The following CCBE1 variants were observed in gnomAD, a reference collection of about 807,000 sequenced individuals.
CCBE1 encodes the protein collagen and calcium binding EGF domains 1.
CCBE1 carries 37 observed loss-of-function variants against 50.0 expected under a neutral mutation model. That is an observed-to-expected ratio of 0.74 (90% CI 0.57 to 0.97). The LOEUF (loss-of-function observed/expected upper bound fraction) is 0.97. Among genes scored for constraint, CCBE1 ranks in the 50% least tolerant of loss-of-function variants. The pLI, the probability that CCBE1 is intolerant of heterozygous loss-of-function variation, is 0.00. For missense variants in CCBE1, 538 were observed against 523.8 expected, an observed-to-expected ratio of 1.03 and a Z score of -0.26; for synonymous variants, 234 against 203.7, an observed-to-expected ratio of 1.15 and a Z score of -1.27.
intron 3 of CCBE1, among the ~76,000 whole-genome samples, chr18:59,475,116 T>C (rs1156974088): frequency 1.3e-5 from 2 of 152,212 alleles, no homozygotes; most frequent in African/African-American, 4.8e-5. Flanking sequence ...CAGCTTTCAG[T>C]CATGTAGCTT....
intron 2 of CCBE1, among the ~76,000 whole-genome samples, chr18:59,579,626 T>A (rs2053053719): frequency 6.6e-6 from 1 of 152,158 alleles, no homozygotes; most frequent in Non-Finnish European, 1.5e-5. Flanking sequence ...AACACACAAT[T>A]CCAGAGGGCC....
intron 2 of CCBE1, among the ~76,000 whole-genome samples, chr18:59,553,029 G>A (rs921987901): frequency 6.6e-5 from 10 of 152,120 alleles, no homozygotes; most frequent in Non-Finnish European, 1.5e-5. Context: ...TATGGTGTAA[G>A]AGGAGGAGGA....
At chr18:59,441,954 C>T (rs1910447487) in intron 7 of CCBE1, among the ~76,000 whole-genome samples, 1 of 152,190 alleles carries the variant, frequency 6.6e-6, no homozygotes. Context: ...GCTCTAACTC[C>T]TCAGCATAGT....
chr18:59,481,794 G>GC (rs1466090380), intron 2 of CCBE1, among the ~76,000 whole-genome samples: 1 of 152,160 alleles, frequency 6.6e-6, no homozygotes, highest in African/African-American at 2.4e-5. Flanking sequence ...CAGCAGACCT[G>GC]TGTTAAAGGG....
At chr18:59,505,117 A>T (rs905878356) in intron 2 of CCBE1, among the ~76,000 whole-genome samples, 1 of 152,240 alleles carries the variant, frequency 6.6e-6, no homozygotes, top group African/African-American at 2.4e-5. Flanking sequence ...AAAATTTGAT[A>T]AAAATGATAA....
At chr18:59,554,980 C>T (rs1335290422) in intron 2 of CCBE1, among the ~76,000 whole-genome samples, 1 of 152,220 alleles carries the variant, frequency 6.6e-6, no homozygotes, top group Non-Finnish European at 1.5e-5. Flanking sequence ...AAGCCAAGAA[C>T]TGGTTTTGCC....
chr18:59,518,097 C>A (rs1211835309), intron 2 of CCBE1, among the ~76,000 whole-genome samples: 2 of 152,136 alleles, frequency 1.3e-5, no homozygotes, highest in Non-Finnish European at 2.9e-5. Flanking sequence ...TGGACTGGGG[C>A]ATAAAACAGT....
intron 2 of CCBE1, among the ~76,000 whole-genome samples, chr18:59,522,573 T>C (rs1291503978): frequency 1.3e-5 from 2 of 152,186 alleles, no homozygotes; most frequent in African/African-American, 4.8e-5. Flanking sequence ...AAGTAAAATT[T>C]AAGGAGTGCC....
chr18:59,465,545 A>G (rs1352679231), intron 5 of CCBE1: 5 of 152,232 alleles, frequency 3.3e-5, no homozygotes, highest in Admixed American at 6.5e-5. Flanking sequence ...AAATTTTCCA[A>G]CTGCCTGTGG....
intron 2 of CCBE1, among the ~76,000 whole-genome samples, chr18:59,550,440 G>A (rs1211095048): frequency 6.6e-6 from 1 of 152,070 alleles, no homozygotes; most frequent in Admixed American, 6.6e-5. Flanking sequence ...TGGTGGCGTC[G>A]CTGCTCAGAA....
At chr18:59,457,413 G>C (rs1108391) in intron 5 of CCBE1, among the ~76,000 whole-genome samples, 20,670 of 152,128 alleles carry the variant, frequency 0.14, 1,423 homozygotes, top group Non-Finnish European at 0.15. Context: ...AGCGACCTTG[G>C]GCAGGTTACT....
chr18:59,654,361 C>A (rs1395317996), intron 2 of CCBE1, among the ~76,000 whole-genome samples: 1 of 152,240 alleles, frequency 6.6e-6, no homozygotes, highest in African/African-American at 2.4e-5. Flanking sequence ...CCCAGAGAAT[C>A]ATGCCCGTAA....
intron 2 of CCBE1, among the ~76,000 whole-genome samples, chr18:59,488,577 A>G (rs1237937437): frequency 6.6e-6 from 1 of 152,192 alleles, no homozygotes; most frequent in Non-Finnish European, 1.5e-5. Flanking sequence ...TCATAAATTA[A>G]TCAAATACCT....
chr18:59,543,708 G>A (rs8083501), intron 2 of CCBE1, among the ~76,000 whole-genome samples: 3 of 151,918 alleles, frequency 2.0e-5, no homozygotes, highest in Non-Finnish European at 4.4e-5. Flanking sequence ...GGTGGCGGGC[G>A]CCTGTAGTCC....
At chr18:59,524,315 G>A (rs1914727956) in intron 2 of CCBE1, among the ~76,000 whole-genome samples, 2 of 152,122 alleles carry the variant, frequency 1.3e-5, no homozygotes, top group Admixed American at 1.3e-4. Context: ...GCAAGATCCT[G>A]TCTCAAAAAC....
intron 6 of CCBE1, among the ~76,000 whole-genome samples, chr18:59,449,691 G>A (rs1393785450): frequency 6.6e-6 from 1 of 151,828 alleles, no homozygotes; most frequent in African/African-American, 2.4e-5. Flanking sequence ...GTAGCTGTGT[G>A]ACTTTGGTAA....
chr18:59,481,610 A>G (rs1239147599), intron 2 of CCBE1, among the ~76,000 whole-genome samples: 1 of 152,230 alleles, frequency 6.6e-6, no homozygotes, highest in Admixed American at 6.5e-5. Context: ...GGATGATTTT[A>G]ATAACCACGA....
rs1568201646 is a variant in CCBE1, at chr18:59,551,025, A to AAAAAGAAAAGAAAAGAAAAG, written c.213-70807_213-70788dup. Among the ~76,000 whole-genome samples, 6 of 114,864 alleles carry AAAAAGAAAAGAAAAGAAAAG rather than the reference A, an allele frequency of 5.2e-5. 1 individual carries two copies. The highest frequency in any genetic ancestry group is 5.4e-4 in the East Asian group (2 of 3,682). 75.4% of individuals were successfully genotyped at this position (114,864 alleles called of 152,430 possible). A position where few individuals can be genotyped will look rare whatever the true frequency, so the allele number is the denominator to read the frequency against. ...AAAAAAAAAAAAAAAAAAAAAAAAA[A>AAAAAGAAAAGAAAAGAAAAG]AAAAGAAAAGAAAAGAAAAGAAAAA... On this transcript the variant is annotated intron_variant, in intron 2 of 10. Coordinates refer to ENST00000439986, the MANE Select transcript of CCBE1 (RefSeq NM_133459.4).
At chr18:59,466,117 A>G (rs1037585320) in intron 5 of CCBE1, among the ~76,000 whole-genome samples, 4 of 152,052 alleles carry the variant, frequency 2.6e-5, no homozygotes, top group Non-Finnish European at 5.9e-5. Context: ...TGTTATATAT[A>G]TTACATATAA....
Sources: gnomAD v4.1 joint callset for allele counts (sites outside exome capture counted in the v4.1 genomes callset) on GRCh38, gnomAD v4.1.1 for gene constraint, MANE v1.5 for transcripts, NCBI Gene and HGNC (gene_info 2026-07-23, HGNC 2026-07-21) for gene names.